Variants in RHOBTB1 observed in about 807,000 individuals in gnomAD.
RHOBTB1 encodes the protein Rho related BTB domain containing 1, also known as rho-related BTB domain-containing protein 1.
In RHOBTB1, 40 loss-of-function variants were observed where a neutral mutation model predicts 71.6. The ratio of observed to expected loss-of-function variants is 0.56; its 90% CI spans 0.43 to 0.73. RHOBTB1 has a LOEUF of 0.73. Ranked by LOEUF, RHOBTB1 falls within the 30% of genes least tolerant of loss-of-function variation. The pLI, the probability that RHOBTB1 is intolerant of heterozygous loss-of-function variation, is 0.00. For synonymous variants in RHOBTB1, 319 were observed against 334.9 expected (o/e 0.95, Z 0.52); for missense variants, 797 against 894.0 (o/e 0.89, Z 1.38).
intron 1 of RHOBTB1, among the ~76,000 whole-genome samples, chr10:60,999,563 G>A (rs1289894761): frequency 6.6e-6 from 1 of 152,248 alleles, no homozygotes; most frequent in Non-Finnish European, 1.5e-5. Flanking sequence ...GATAGCTGGT[G>A]TTAAGGATGC....
chr10:60,995,966 C>T (rs1047282593), intron 1 of RHOBTB1, among the ~76,000 whole-genome samples: 42 of 152,264 alleles, frequency 2.8e-4, no homozygotes, highest in African/African-American at 9.1e-4. Context: ...TGCAGTATCA[C>T]ACACTGTGCT....
chr10:60,873,865 T>C (rs2080918052), intron 9 of RHOBTB1, among the ~76,000 whole-genome samples: 1 of 152,282 alleles, frequency 6.6e-6, no homozygotes, highest in South Asian at 2.1e-4. Context: ...ACCATTTATA[T>C]GTACACGGCC....
At chr10:60,976,759 T>C (rs1897364) in intron 2 of RHOBTB1, among the ~76,000 whole-genome samples, 149,981 of 152,112 alleles carry the variant, frequency 0.99, 73,947 homozygotes, top group Middle Eastern at 1. Context: ...AAAAATATTT[T>C]CTTTAAATTC....
chr10:60,888,788 C>T lies in RHOBTB1; in HGVS notation c.880G>A (p.Asp294Asn). 6.2e-7 allele frequency: 1 copy of T among 1,614,194 alleles called. No homozygotes were observed. Among genetic ancestry groups the T allele is most frequent in the Non-Finnish European group, 8.5e-7 (1 of 1,180,036 alleles). ...YLATSSSKFY[D>N]LFLMECEESP... ...TCTTCACATTCCATTAAAAACAGATCATAAAATTTGGAAGAAGAGGTAGCG... is the reference window on the plus strand; with the variant it reads ...TCTTCACATTCCATTAAAAACAGATTATAAAATTTGGAAGAAGAGGTAGCG... Residue 294 changes from aspartate to asparagine, a missense_variant, in exon 6 of 11, where the codon GAT (aspartate) becomes AAT (asparagine). This residue lies in a region of RHOBTB1 where 658 missense variants were observed against 681.5 expected (regional missense o/e 0.97). Transcript: ENST00000337910.
At chr10:60,874,932 T>C in intron 9 of RHOBTB1, 22 bp downstream of exon 9, 2 of 1,548,176 alleles carry the variant, frequency 1.3e-6, no homozygotes, top group Non-Finnish European at 1.8e-6. Context: ...ACTTAAAAGG[T>C]AAAAAGCAAA....
intron 2 of RHOBTB1, among the ~76,000 whole-genome samples, chr10:60,985,091 T>C (rs1023692894): frequency 6.6e-6 from 1 of 152,212 alleles, no homozygotes; most frequent in African/African-American, 2.4e-5. Context: ...CTTAATTCTT[T>C]GGAATAAATG....
chr10:60,930,584 T>C (rs182023925), intron 2 of RHOBTB1, among the ~76,000 whole-genome samples: 4 of 152,162 alleles, frequency 2.6e-5, no homozygotes, highest in Admixed American at 2.6e-4. Context: ...CTTAGCAGAG[T>C]GACATAGCAG....
intron 1 of RHOBTB1, among the ~76,000 whole-genome samples, chr10:60,994,353 G>A (rs2086971516): frequency 6.6e-6 from 1 of 152,152 alleles, no homozygotes; most frequent in South Asian, 2.1e-4. Flanking sequence ...GTGAGATTAG[G>A]TGGTCAGGGA....
intron 2 of RHOBTB1, among the ~76,000 whole-genome samples, chr10:60,954,914 T>G (rs1442457592): frequency 6.6e-6 from 1 of 152,090 alleles, no homozygotes; most frequent in Non-Finnish European, 1.5e-5. Flanking sequence ...TAAAGAAAAT[T>G]ATAATTTCTA....
intron 2 of RHOBTB1, among the ~76,000 whole-genome samples, chr10:60,925,728 T>C (rs2083838482): frequency 6.6e-6 from 1 of 152,118 alleles, no homozygotes; most frequent in South Asian, 2.1e-4. Flanking sequence ...AAAAGAGATG[T>C]TACAACTGAT....
chr10:60,968,869 C>T (rs971728978), intron 2 of RHOBTB1, among the ~76,000 whole-genome samples: 5 of 151,946 alleles, frequency 3.3e-5, no homozygotes, highest in African/African-American at 4.8e-5. Flanking sequence ...AAAATATGAG[C>T]GAGACATCAG....
intron 4 of RHOBTB1, among the ~76,000 whole-genome samples, chr10:60,900,664 A>T (rs1487939941): frequency 1.3e-5 from 2 of 152,234 alleles, no homozygotes; most frequent in Admixed American, 1.3e-4. Context: ...GATATCAGAA[A>T]GTAAAACCTG....
At chr10:60,866,308 G>A (rs1438921965), downstream of RHOBTB1, among the ~76,000 whole-genome samples, 1 of 152,238 alleles carries the variant, frequency 6.6e-6, no homozygotes, top group African/African-American at 2.4e-5. Context: ...TGCACACATT[G>A]TAAAATGGCT....
At chr10:60,873,765 G>A (rs1342506569) in intron 9 of RHOBTB1, among the ~76,000 whole-genome samples, 1 of 152,222 alleles carries the variant, frequency 6.6e-6, no homozygotes, top group Non-Finnish European at 1.5e-5. Context: ...TCTATTCTCA[G>A]TTTCACTGTA....
In RHOBTB1 at chr10:60,997,345, G is replaced by A. The variant is rs555390266; in HGVS notation, c.-163+4054C>T. Among the ~76,000 whole-genome samples the A allele has an allele frequency of 2.0e-5, 3 of 152,090 alleles. No individual in the cohort carries two copies. In the South Asian group the frequency reaches 6.2e-4, roughly 32 times the overall value. ...ATATTTGTCAAAATGCAGTTGTGTG[G>A]GTGCAATCTCAAACCTATTAATTCA... On this transcript the variant is annotated intron_variant, in intron 1 of 11. Transcript: ENST00000357917.
intron 2 of RHOBTB1, among the ~76,000 whole-genome samples, chr10:60,938,379 A>C (rs1274434398): frequency 6.6e-6 from 1 of 152,218 alleles, no homozygotes; most frequent in Non-Finnish European, 1.5e-5. Flanking sequence ...GCCTGGGTTC[A>C]GTTCAGACTG....
chr10:60,872,880 A>G (rs2080867310), intron 9 of RHOBTB1, among the ~76,000 whole-genome samples: 1 of 152,150 alleles, frequency 6.6e-6, no homozygotes, highest in Non-Finnish European at 1.5e-5. Flanking sequence ...ATGATTAAAA[A>G]AGACTAGATC....
chr10:60,910,249 G>C (rs2082897718), intron 4 of RHOBTB1, among the ~76,000 whole-genome samples: 1 of 152,084 alleles, frequency 6.6e-6, no homozygotes, highest in South Asian at 2.1e-4. Context: ...AATATTTTAA[G>C]GCACTTTGAC....
intron 2 of RHOBTB1, among the ~76,000 whole-genome samples, chr10:60,968,142 A>G (rs1468214889): frequency 3.3e-5 from 5 of 152,018 alleles, no homozygotes; most frequent in Admixed American, 2.6e-4. Context: ...TCACCAGCCA[A>G]TTCAAATGTA....
Sources: gnomAD v4.1 joint callset for allele counts (sites outside exome capture counted in the v4.1 genomes callset) on GRCh38, gnomAD v4.1.1 for gene constraint, gnomAD v4.1.1 regional missense constraint, MANE v1.5 for transcripts, NCBI Gene and HGNC (gene_info 2026-07-23, HGNC 2026-07-21) for gene names.